Variants in SLC4A4 observed in about 807,000 individuals in gnomAD.
The protein encoded by SLC4A4 is electrogenic sodium bicarbonate cotransporter 1.
Under a neutral mutation model 111.5 loss-of-function variants are expected in SLC4A4, and 27 were observed. That is an observed-to-expected ratio of 0.24 (90% CI 0.18 to 0.33). SLC4A4 has a LOEUF of 0.33. SLC4A4 is among the 10% of genes least tolerant of loss of function. The pLI, the probability that SLC4A4 is intolerant of heterozygous loss-of-function variation, is 1.00. For missense variants in SLC4A4, 909 were observed against 1,315.5 expected (o/e 0.69, Z 4.78); for synonymous variants, 443 against 463.4 (o/e 0.96, Z 0.57).
Position 71,568,035 on chromosome 4 carries a change from G to A in SLC4A4, c.*284G>A, listed in dbSNP as rs527442534. ...ACAGCGCTCTCTCTGCTTCTCTCTT[G>A]CATAGACACAATCAAGACAATAGTG... is the stretch of plus-strand genomic sequence containing the variant. On this transcript the variant is annotated 3_prime_UTR_variant, in exon 26 of 26. Coordinates refer to ENST00000264485, the MANE Select transcript of SLC4A4 (RefSeq NM_001098484.3). 3.4e-5 allele frequency: 21 copies of A among 621,458 alleles called. No individual in the cohort carries two copies. Among genetic ancestry groups the A allele is most frequent in the East Asian group, 5.9e-5 (2 of 34,146 alleles). 38.5% of individuals were successfully genotyped at this position (621,458 alleles called of 1,614,324 possible).
At chr4:71,482,557 A>T (rs1263115936) in intron 14 of SLC4A4, among the ~76,000 whole-genome samples, 1 of 151,598 alleles carries the variant, frequency 6.6e-6, no homozygotes, top group African/African-American at 2.4e-5. Flanking sequence ...TTTCCTCCTC[A>T]GTCTTTACTC....
chr4:71,077,517 G>A (rs920187568), intron 1 of SLC4A4, among the ~76,000 whole-genome samples: 3 of 152,104 alleles, frequency 2.0e-5, no homozygotes, highest in African/African-American at 7.2e-5. Context: ...CACACTCTGT[G>A]TTAGGTAGAC....
At chr4:71,414,687 A>G (rs1455058496) in intron 7 of SLC4A4, among the ~76,000 whole-genome samples, 3 of 152,166 alleles carry the variant, frequency 2.0e-5, no homozygotes, top group Non-Finnish European at 4.4e-5. Context: ...TGAAGTCAGT[A>G]GCCCCACAAT....
intron 3 of SLC4A4, among the ~76,000 whole-genome samples, chr4:71,308,459 G>A (rs1218915039): frequency 6.6e-6 from 1 of 152,152 alleles, no homozygotes; most frequent in Non-Finnish European, 1.5e-5. Flanking sequence ...AAGAGCTCCA[G>A]TCTGTAGCTC....
At position 71,525,032 on chromosome 4, in the gene SLC4A4, A is replaced by G. The variant is rs529371715; in HGVS notation, c.2167-7030A>G. Among the ~76,000 whole-genome samples, 39 of 152,252 alleles carry G rather than the reference A, an allele frequency of 2.6e-4. 1 individual carries two copies. In the South Asian group the frequency reaches 8.1e-3, roughly 32 times the overall value. ...TCCTCTGGGATTTCCAAGAAACCTAATTCATTTTTCCACTGTAAATTAACT... is the reference window on the plus strand; with the variant it reads ...TCCTCTGGGATTTCCAAGAAACCTAGTTCATTTTTCCACTGTAAATTAACT... On this transcript the variant is annotated intron_variant, in intron 16 of 25. Transcript: ENST00000264485.
intron 8 of SLC4A4, among the ~76,000 whole-genome samples, chr4:71,441,779 G>A (rs903059558): frequency 2.6e-5 from 4 of 152,110 alleles, no homozygotes; most frequent in African/African-American, 7.2e-5. Context: ...CATCATACAG[G>A]TATTTTTTAA....
At chr4:71,521,592 G>T (rs1308746477) in intron 16 of SLC4A4, among the ~76,000 whole-genome samples, 8 of 151,992 alleles carry the variant, frequency 5.3e-5, no homozygotes, top group Admixed American at 4.6e-4. Context: ...GGAAGCAAAT[G>T]GTATGCTCAA....
At chr4:71,491,403 A>G (rs1184529925) in intron 15 of SLC4A4, among the ~76,000 whole-genome samples, 1 of 151,912 alleles carries the variant, frequency 6.6e-6, no homozygotes, top group Non-Finnish European at 1.5e-5. Context: ...AAAAAAAGAG[A>G]AATTGACTCT....
intron 7 of SLC4A4, among the ~76,000 whole-genome samples, chr4:71,412,074 C>A (rs915562278): frequency 1.3e-5 from 2 of 152,262 alleles, no homozygotes; most frequent in South Asian, 2.1e-4. Context: ...CACAAAACTG[C>A]CATCTAAAAT....
chr4:71,307,542 G>C (rs1725793369), intron 3 of SLC4A4, among the ~76,000 whole-genome samples: 1 of 152,200 alleles, frequency 6.6e-6, no homozygotes, highest in Non-Finnish European at 1.5e-5. Flanking sequence ...ATGGAAGTCT[G>C]TGATTTTTGA....
In SLC4A4 at chr4:71,277,147, G is replaced by C. The variant is rs552649785; in HGVS notation, c.253+21748G>C. Among the ~76,000 whole-genome samples the C allele has an allele frequency of 5.9e-5, 9 of 152,256 alleles. No homozygotes were observed. The South Asian group carries it at 1.9e-3, about 32-fold the overall frequency. On this transcript the variant is annotated intron_variant, in intron 3 of 25. Transcript: ENST00000264485. ...ATGGACATTAGTTTTCATTTCTCTGGGATAAGTGCCCAGTAGTACAATTGC... is the reference window on the plus strand; with the variant it reads ...ATGGACATTAGTTTTCATTTCTCTGCGATAAGTGCCCAGTAGTACAATTGC...
chr4:71,149,650 G>A (rs547348748), intron 2 of SLC4A4, among the ~76,000 whole-genome samples: 3 of 152,224 alleles, frequency 2.0e-5, no homozygotes, highest in African/African-American at 7.2e-5. Context: ...CACATGTTGG[G>A]CTCTGTGCTC....
chr4:71,437,464 T>A, intron 7 of SLC4A4: 1 of 348,374 alleles, frequency 2.9e-6, no homozygotes, highest in South Asian at 2.5e-5. Flanking sequence ...TATATCAAGG[T>A]GTGTTTCTCC....
At chr4:71,527,249 T>C (rs1009744878) in intron 16 of SLC4A4, among the ~76,000 whole-genome samples, 64 of 152,184 alleles carry the variant, frequency 4.2e-4, no homozygotes, top group Admixed American at 5.9e-4. Flanking sequence ...AGGAAGCTAA[T>C]GTAGTAAACC....
intron 1 of SLC4A4, among the ~76,000 whole-genome samples, chr4:71,090,351 G>T (rs1187754375): frequency 6.6e-6 from 1 of 152,116 alleles, no homozygotes; most frequent in Non-Finnish European, 1.5e-5. Context: ...TCCCAGGTGA[G>T]GCAATGCCTC....
chr4:71,488,888 A>ATGTGTGTG (rs66801188), intron 15 of SLC4A4, among the ~76,000 whole-genome samples: 8,888 of 140,550 alleles, frequency 0.063, 676 homozygotes, highest in African/African-American at 0.18. Context: ...AGAAGAAAAA[A>ATGTGTGTG]TGTGTGTGTG....
intron 6 of SLC4A4, among the ~76,000 whole-genome samples, chr4:71,381,536 G>A (rs775345351): frequency 1.3e-5 from 2 of 152,116 alleles, no homozygotes; most frequent in Non-Finnish European, 2.9e-5. Flanking sequence ...CTTTAGTGGC[G>A]ATAATTTTAT....
intron 7 of SLC4A4, among the ~76,000 whole-genome samples, chr4:71,414,791 G>A (rs1315320250): frequency 6.6e-6 from 1 of 152,136 alleles, no homozygotes; most frequent in African/African-American, 2.4e-5. Context: ...GGGGCAGAAA[G>A]AATAAAAGAA....
chr4:71,186,373 A>G (rs533591480), upstream of SLC4A4, among the ~76,000 whole-genome samples: 10 of 152,348 alleles, frequency 6.6e-5, no homozygotes, highest in East Asian at 7.7e-4. Flanking sequence ...TATAAAGTAG[A>G]GTCAAGAGTG....
Sources: allele counts gnomAD v4.1 joint callset (sites outside exome capture counted in the v4.1 genomes callset), GRCh38; gene constraint gnomAD v4.1.1; transcripts MANE v1.5; gene names NCBI Gene and HGNC (gene_info 2026-07-23, HGNC 2026-07-21).